NRXN1: variants seen among roughly 807,000 people sequenced by gnomAD.
NRXN1 encodes the protein neurexin 1.
In NRXN1, 39 loss-of-function variants were observed where a neutral mutation model predicts 150.9. The observed-to-expected ratio is 0.26, with a 90% CI of 0.20 to 0.34. The LOEUF (loss-of-function observed/expected upper bound fraction) is 0.34, where lower values mean the gene tolerates loss of function less well. Ranked by LOEUF, NRXN1 falls within the 10% of genes least tolerant of loss-of-function variation. The pLI, the probability that NRXN1 is intolerant of heterozygous loss-of-function variation, is 1.00. For missense variants in NRXN1, 1,815 were observed against 1,949.9 expected, an observed-to-expected ratio of 0.93 and a Z score of 1.30; for synonymous variants, 924 against 757.0, an observed-to-expected ratio of 1.22 and a Z score of -3.62.
Position 50,875,535 on chromosome 2 carries a change from T to A in NRXN1, c.832+46334A>T, listed in dbSNP as rs143104093. On this transcript the variant is annotated intron_variant, in intron 5 of 22. Coordinates refer to ENST00000401669, the MANE Select transcript of NRXN1 (RefSeq NM_001330078.2). Reference sequence around the variant, plus strand: ...CATTTTTCTCCAATGCTTTTCTTTTTATGGTTTTCAAGCTTGCTCTTGGGA... The same window carrying A: ...CATTTTTCTCCAATGCTTTTCTTTTAATGGTTTTCAAGCTTGCTCTTGGGA... Among the ~76,000 whole-genome samples the A allele has an allele frequency of 1.9e-3, 282 of 151,918 alleles. 1 individual carries two copies. Among genetic ancestry groups the A allele is most frequent in the African/African-American group, 6.2e-3 (259 of 41,516 alleles).
At chr2:50,847,639 C>G (rs909609383) in intron 5 of NRXN1, among the ~76,000 whole-genome samples, 1 of 152,196 alleles carries the variant, frequency 6.6e-6, no homozygotes, top group African/African-American at 2.4e-5. Flanking sequence ...GGCCAACACA[C>G]AGAAGCGGCT....
intron 5 of NRXN1, among the ~76,000 whole-genome samples, chr2:50,668,821 G>A (rs1688432555): frequency 6.6e-6 from 1 of 151,910 alleles, no homozygotes; most frequent in Admixed American, 6.6e-5. Context: ...ATTTCAGGTG[G>A]GAATTTCATA....
chr2:50,167,175 TA>T (rs1559014517), intron 18 of NRXN1, among the ~76,000 whole-genome samples: 1 of 152,122 alleles, frequency 6.6e-6, no homozygotes, highest in Non-Finnish European at 1.5e-5. Flanking sequence ...GATGAGGAAC[TA>T]AAAGAAAACT....
chr2:50,691,786 C>T (rs1004278288), intron 5 of NRXN1, among the ~76,000 whole-genome samples: 1 of 152,066 alleles, frequency 6.6e-6, no homozygotes, highest in Non-Finnish European at 1.5e-5. Flanking sequence ...AGGGCTGACT[C>T]GGGGATGCTT....
intron 21 of NRXN1, among the ~76,000 whole-genome samples, chr2:50,009,437 T>C (rs1266278170): frequency 6.6e-6 from 1 of 152,196 alleles, no homozygotes; most frequent in Non-Finnish European, 1.5e-5. Flanking sequence ...ATTTGAAATT[T>C]ACTTGCTGGA....
chr2:50,790,633 A>G (rs1406862700), intron 5 of NRXN1, among the ~76,000 whole-genome samples: 1 of 152,142 alleles, frequency 6.6e-6, no homozygotes, highest in East Asian at 1.9e-4. Flanking sequence ...TGGAAGCAAA[A>G]CCATAGTGTA....
In NRXN1 at chr2:50,997,699, C is replaced by T. The variant is rs1483691990; in HGVS notation, c.772+29803G>A. Among the ~76,000 whole-genome samples the T allele has an allele frequency of 5.0e-5, 7 of 140,216 alleles. 1 individual carries two copies. Among genetic ancestry groups the T allele is most frequent in the South Asian group, 2.3e-4 (1 of 4,394 alleles). The allele number at this position is 140,216 out of a possible 152,430, so 92.0% of individuals were successfully genotyped here. A position where few individuals can be genotyped will look rare whatever the true frequency, so the allele number is the denominator to read the frequency against. Reference sequence around the variant, plus strand: ...ATTAAAAAAAAAAATTATCTGGAGACGGTTTTTGCTATGTTGCCCAGCTGG... The same window carrying T: ...ATTAAAAAAAAAAATTATCTGGAGATGGTTTTTGCTATGTTGCCCAGCTGG... On this transcript the variant is annotated intron_variant, in intron 2 of 22. Transcript: ENST00000401669.
intron 5 of NRXN1, among the ~76,000 whole-genome samples, chr2:50,823,278 T>A (rs1487015698): frequency 2.0e-5 from 3 of 152,148 alleles, no homozygotes; most frequent in Non-Finnish European, 4.4e-5. Flanking sequence ...ACTGTTACAG[T>A]GAGAAGACTG....
At chr2:50,933,422 G>A (rs13028294) in intron 2 of NRXN1, among the ~76,000 whole-genome samples, 1 of 151,928 alleles carries the variant, frequency 6.6e-6, no homozygotes, top group Admixed American at 6.6e-5. Flanking sequence ...TCGCTGTGTA[G>A]TAAATCTCCT....
chr2:50,964,428 G>A (rs914738234), intron 2 of NRXN1, among the ~76,000 whole-genome samples: 6 of 151,412 alleles, frequency 4.0e-5, no homozygotes, highest in African/African-American at 4.8e-5. Context: ...TGGTGAACAC[G>A]AAAATTAAAA....
chr2:50,316,018 A>T lies in NRXN1; in HGVS notation c.3365-79048T>A, dbSNP rs148617366. ...AGCAGTAAACGGCATGAGATGAAGG[A>T]GTTGGTAGTATGCCTGATAATGCTT... On this transcript the variant is annotated intron_variant, in intron 17 of 22. Transcript: ENST00000401669. Among the ~76,000 whole-genome samples the T allele has an allele frequency of 6.6e-3, 998 of 152,212 alleles. 7 individuals carry two copies. The highest frequency in any genetic ancestry group is 0.014 in the Middle Eastern group (4 of 294).
At chr2:50,308,695 T>C (rs1326604501) in intron 17 of NRXN1, among the ~76,000 whole-genome samples, 2 of 152,092 alleles carry the variant, frequency 1.3e-5, no homozygotes, top group Admixed American at 6.6e-5. Context: ...AGTGAGACCA[T>C]GCAATATTTT....
chr2:50,940,827 G>A (rs1337339465), intron 2 of NRXN1, among the ~76,000 whole-genome samples: 14 of 152,084 alleles, frequency 9.2e-5, no homozygotes, highest in South Asian at 2.1e-4. Flanking sequence ...AATAACCCCT[G>A]TCCCCAAAAG....
chr2:50,578,162 C>A (rs1275122937), intron 8 of NRXN1, among the ~76,000 whole-genome samples: 1 of 152,094 alleles, frequency 6.6e-6, no homozygotes, highest in Non-Finnish European at 1.5e-5. Context: ...ATATTAAATC[C>A]AATGCTCTAG....
At chr2:50,949,679 T>A (rs1399826105) in intron 2 of NRXN1, among the ~76,000 whole-genome samples, 1 of 152,048 alleles carries the variant, frequency 6.6e-6, no homozygotes, top group Non-Finnish European at 1.5e-5. Context: ...AGGAGCTTCT[T>A]ATTGTTTTTA....
intron 18 of NRXN1, among the ~76,000 whole-genome samples, chr2:50,132,415 C>G (rs1705659121): frequency 6.6e-6 from 1 of 151,304 alleles, no homozygotes; most frequent in African/African-American, 2.4e-5. Context: ...ACGCCATTCT[C>G]CTGCCTCAGC....
At chr2:49,935,390 T>A (rs76937563) in intron 22 of NRXN1, among the ~76,000 whole-genome samples, 3,006 of 152,272 alleles carry the variant, frequency 0.02, 110 homozygotes, top group African/African-American at 0.066. Flanking sequence ...TATTTTTTTT[T>A]AATGTAATTA....
intron 18 of NRXN1, among the ~76,000 whole-genome samples, chr2:50,099,710 G>A (rs1354888961): frequency 6.6e-6 from 1 of 152,076 alleles, no homozygotes; most frequent in Non-Finnish European, 1.5e-5. Context: ...TTTTGCTAGA[G>A]GATACATTTT....
chr2:50,242,361 G>T lies in NRXN1; in HGVS notation c.3365-5391C>A, dbSNP rs1002331570. The stretch of plus-strand genomic sequence containing the variant: ...GTATGCAAAAAGAGTTTTAGATCAG[G>T]GCAACATTTCTAAACTGATGAAACA... On this transcript the variant is annotated intron_variant, in intron 17 of 22. Transcript: ENST00000401669. Among the ~76,000 whole-genome samples the T allele has an allele frequency of 5.9e-5, 9 of 151,754 alleles. No individual in the cohort carries two copies. In the South Asian group the frequency reaches 1.7e-3, roughly 28 times the overall value.
Sources: allele counts gnomAD v4.1 joint callset (sites outside exome capture counted in the v4.1 genomes callset), GRCh38; gene constraint gnomAD v4.1.1; transcripts MANE v1.5; gene names NCBI Gene and HGNC (gene_info 2026-07-23, HGNC 2026-07-21).